Variants in TACC2 observed in about 807,000 individuals in gnomAD.
TACC2 encodes transforming acidic coiled-coil containing protein 2.
In TACC2, 137 loss-of-function variants were observed where a neutral mutation model predicts 227.3. The ratio of observed to expected loss-of-function variants is 0.60; its 90% CI spans 0.52 to 0.69. TACC2 has a LOEUF of 0.69. TACC2 is among the 30% of genes least tolerant of loss of function. The pLI is 0.00. For synonymous variants in TACC2, 1,523 were observed against 1,487.5 expected (o/e 1.02, Z -0.55); for missense variants, 3,470 against 3,694.4 (o/e 0.94, Z 1.57).
chr10:122,237,654 A>G, intron 17 of TACC2, 116 bp downstream of exon 17: 2 of 1,296,860 alleles, frequency 1.5e-6, no homozygotes, highest in South Asian at 1.5e-5. Context: ...GCTGCAGGCA[A>G]AGATGTGTGG....
intron 11 of TACC2, among the ~76,000 whole-genome samples, chr10:122,222,469 C>A (rs1034891476): frequency 1.1e-4 from 17 of 152,290 alleles, no homozygotes; most frequent in African/African-American, 4.1e-4. Flanking sequence ...GGAGTGCGGG[C>A]CTTCTGAAAC....
chr10:122,028,525 A>G (rs1958389593), intron 2 of TACC2, among the ~76,000 whole-genome samples: 1 of 152,024 alleles, frequency 6.6e-6, no homozygotes. Context: ...TTTGCTATTC[A>G]TGTGTTCATT....
At chr10:122,186,481 A>G (rs985334878) in intron 7 of TACC2, among the ~76,000 whole-genome samples, 3 of 152,150 alleles carry the variant, frequency 2.0e-5, no homozygotes, top group African/African-American at 7.2e-5. Flanking sequence ...GTGACGAGCA[A>G]GACTCAGTCT....
chr10:122,126,397 GTTC>G (rs2086885554), intron 5 of TACC2, among the ~76,000 whole-genome samples: 1 of 149,998 alleles, frequency 6.7e-6, no homozygotes, highest in Non-Finnish European at 1.5e-5. Flanking sequence ...CTTTTAGGTG[GTTC>G]TTATGTCCTT....
intron 11 of TACC2, among the ~76,000 whole-genome samples, chr10:122,220,512 G>A (rs1213373275): frequency 1.3e-5 from 2 of 152,146 alleles, no homozygotes; most frequent in African/African-American, 4.8e-5. Flanking sequence ...CCCAGCATCT[G>A]GACGTGGAAA....
At chr10:122,188,688 G>C (rs2094301684) in intron 7 of TACC2, among the ~76,000 whole-genome samples, 1 of 152,212 alleles carries the variant, frequency 6.6e-6, no homozygotes, top group Admixed American at 6.5e-5. Flanking sequence ...AATCTGCAGT[G>C]CTCTTTCCAC....
At chr10:122,153,001 T>TTCTTTTTTTTTG (rs2092205657) in intron 7 of TACC2, among the ~76,000 whole-genome samples, 1 of 142,624 alleles carries the variant, frequency 7.0e-6, no homozygotes, top group Non-Finnish European at 1.6e-5. Context: ...CTTTCTTTCT[T>TTCTTTTTTTTTG]TTTTTTTTGA....
chr10:122,142,388 G>A (rs529784247), intron 6 of TACC2, among the ~76,000 whole-genome samples: 6 of 152,240 alleles, frequency 3.9e-5, no homozygotes, highest in Admixed American at 1.3e-4. Flanking sequence ...AGGCCAGGAC[G>A]GTGAGGGGCT....
chr10:122,146,463 GA>G (rs1431389888), intron 7 of TACC2, among the ~76,000 whole-genome samples: 1 of 152,114 alleles, frequency 6.6e-6, no homozygotes, highest in Non-Finnish European at 1.5e-5. Context: ...CTGCACTCAT[GA>G]ATGGGTTAAT....
intron 22 of TACC2, among the ~76,000 whole-genome samples, chr10:122,250,071 G>T (rs1161377844): frequency 6.6e-6 from 1 of 152,230 alleles, no homozygotes; most frequent in Non-Finnish European, 1.5e-5. Context: ...GCAGTGTCAG[G>T]GCTGGAAGGG....
intron 5 of TACC2, among the ~76,000 whole-genome samples, chr10:122,102,353 C>T (rs1490077094): frequency 6.6e-6 from 1 of 152,206 alleles, no homozygotes; most frequent in African/African-American, 2.4e-5. Flanking sequence ...ATCAAACCAA[C>T]TCGGCTCTCA....
intron 18 of TACC2, among the ~76,000 whole-genome samples, chr10:122,239,389 C>T (rs2095933917): frequency 6.6e-6 from 1 of 152,212 alleles, no homozygotes; most frequent in Non-Finnish European, 1.5e-5. Context: ...GTAATCATAT[C>T]CCGTTTTCTA....
At chr10:122,175,729 A>C (rs1472656708) in intron 7 of TACC2, among the ~76,000 whole-genome samples, 1 of 152,200 alleles carries the variant, frequency 6.6e-6, no homozygotes, top group African/African-American at 2.4e-5. Context: ...GACCAGGGAA[A>C]TATCTTCTCA....
In TACC2 at chr10:122,031,380, G is replaced by A. The variant is rs114236531; in HGVS notation, c.33+9366G>A. 3.3e-3 allele frequency among the ~76,000 whole-genome samples: 487 copies of A among 149,748 alleles called. 2 individuals are homozygous for A. Among genetic ancestry groups the A allele is most frequent in the African/African-American group, 0.011 (458 of 40,746 alleles). On this transcript the variant is annotated intron_variant, in intron 2 of 22. Coordinates refer to ENST00000369005, the MANE Select transcript of TACC2 (RefSeq NM_206862.4). ...AGGTCCAGCCTTCCATGCTTCTTCCGGCCAATGGTCTAGCCTCTTTTTTTT... is the reference window on the plus strand; with the variant it reads ...AGGTCCAGCCTTCCATGCTTCTTCCAGCCAATGGTCTAGCCTCTTTTTTTT...
At chr10:122,217,984 G>A (rs911199204) in intron 11 of TACC2, among the ~76,000 whole-genome samples, 13 of 151,946 alleles carry the variant, frequency 8.6e-5, no homozygotes, top group East Asian at 1.9e-4. Flanking sequence ...TCACTCTGTC[G>A]CCCAGGCTGG....
chr10:122,233,951 C>T (rs1253781653), intron 16 of TACC2, among the ~76,000 whole-genome samples: 3 of 152,194 alleles, frequency 2.0e-5, no homozygotes, highest in South Asian at 2.1e-4. Flanking sequence ...CACTCTCCTG[C>T]GCGGGTGGCG....
rs567205935 is a variant in TACC2, at chr10:122,229,596, C to T, written c.8037+110C>T. 77 of 1,267,252 alleles carry T rather than the reference C, an allele frequency of 6.1e-5. 2 individuals carry two copies. The Admixed American group carries it at 1.1e-3, about 18-fold the overall frequency. The allele number at this position is 1,267,252 out of a possible 1,614,324, so 78.5% of individuals were successfully genotyped here. A position where few individuals can be genotyped will look rare whatever the true frequency, so the allele number is the denominator to read the frequency against. ...GGATTTGATGAGGAACTGCCGAGAA[C>T]GTTCCCAGTGACATATCTTCCCCTC... On this transcript the variant is annotated intron_variant, in intron 15 of 22. Coordinates refer to ENST00000369005, the MANE Select transcript of TACC2 (RefSeq NM_206862.4).
At chr10:122,192,662 G>C (rs1238991834) in intron 7 of TACC2, 1 of 456,368 alleles carries the variant, frequency 2.2e-6, no homozygotes, top group African/African-American at 2.0e-5. Flanking sequence ...GGGGACAGAG[G>C]CTGTTCTTCA....
chr10:122,144,298 C>G (rs2091085139), intron 7 of TACC2, among the ~76,000 whole-genome samples: 2 of 152,130 alleles, frequency 1.3e-5, no homozygotes, highest in African/African-American at 4.8e-5. Context: ...AATATCTCCA[C>G]AGTGAAATTG....
Sources: gnomAD v4.1 joint callset for allele counts (sites outside exome capture counted in the v4.1 genomes callset) on GRCh38, gnomAD v4.1.1 for gene constraint, MANE v1.5 for transcripts, NCBI Gene and HGNC (gene_info 2026-07-23, HGNC 2026-07-21) for gene names.